The following TMEM132C variants were observed in gnomAD, a reference collection of about 807,000 sequenced individuals.
The protein encoded by TMEM132C is transmembrane protein 132C.
In TMEM132C, 29 loss-of-function variants were observed where a neutral mutation model predicts 61.4. The ratio of observed to expected loss-of-function variants is 0.47; its 90% CI spans 0.35 to 0.64. The LOEUF (loss-of-function observed/expected upper bound fraction) is 0.64. TMEM132C is among the 30% of genes least tolerant of loss of function. The pLI, the probability that TMEM132C is intolerant of heterozygous loss-of-function variation, is 0.00. For synonymous variants in TMEM132C, 656 were observed against 633.1 expected (o/e 1.04, Z -0.54); for missense variants, 1,408 against 1,476.9 (o/e 0.95, Z 0.76).
chr12:128,530,124 T>C (rs1047544428), intron 2 of TMEM132C, among the ~76,000 whole-genome samples: 1 of 150,416 alleles, frequency 6.6e-6, no homozygotes, highest in Admixed American at 6.6e-5. Flanking sequence ...GTGGGAAGAG[T>C]GGTGAGATGT....
At chr12:128,579,746 G>C (rs902560283) in intron 3 of TMEM132C, among the ~76,000 whole-genome samples, 16 of 152,162 alleles carry the variant, frequency 1.1e-4, no homozygotes, top group Non-Finnish European at 4.4e-5. Flanking sequence ...GGGAAGCAGA[G>C]GAGAAGAATG....
At chr12:128,427,976 A>C (rs924520864) in intron 2 of TMEM132C, among the ~76,000 whole-genome samples, 3 of 152,226 alleles carry the variant, frequency 2.0e-5, no homozygotes, top group African/African-American at 7.2e-5. Context: ...GTGCTTACCC[A>C]GTGCTGCCAG....
intron 1 of TMEM132C, among the ~76,000 whole-genome samples, chr12:128,327,042 C>T (rs939728811): frequency 2.7e-5 from 4 of 149,864 alleles, no homozygotes; most frequent in Non-Finnish European, 4.4e-5. Flanking sequence ...GTGCAGATTA[C>T]ATCATAAGGC....
intron 1 of TMEM132C, among the ~76,000 whole-genome samples, chr12:128,348,320 T>G (rs1211348080): frequency 1.3e-5 from 2 of 152,244 alleles, no homozygotes; most frequent in Non-Finnish European, 2.9e-5. Context: ...TAAGCTGTAA[T>G]TTTTCTTTAT....
At chr12:128,466,688 G>GT (rs1351355563) in intron 2 of TMEM132C, among the ~76,000 whole-genome samples, 4 of 152,202 alleles carry the variant, frequency 2.6e-5, no homozygotes, top group South Asian at 2.1e-4. Context: ...GCTAATTTTT[G>GT]TTTTTTGTTT....
intron 2 of TMEM132C, among the ~76,000 whole-genome samples, chr12:128,505,614 C>A (rs1872330146): frequency 6.6e-6 from 1 of 152,186 alleles, no homozygotes; most frequent in Non-Finnish European, 1.5e-5. Context: ...ACATGCCAAA[C>A]CTGATGTCTG....
At chr12:128,304,637 GA>G (rs113972082) in intron 1 of TMEM132C, among the ~76,000 whole-genome samples, 1,991 of 147,716 alleles carry the variant, frequency 0.013, 34 homozygotes, top group African/African-American at 0.04. Flanking sequence ...AAGAAAGAAA[GA>G]AAAAAAAGAA....
At chr12:128,636,783 G>A (rs187808941) in intron 4 of TMEM132C, among the ~76,000 whole-genome samples, 62 of 152,078 alleles carry the variant, frequency 4.1e-4, no homozygotes, top group Admixed American at 3.9e-3. Flanking sequence ...TCCCCCAGTC[G>A]CTGGCACCCA....
At chr12:128,353,017 C>T (rs898237788) in intron 1 of TMEM132C, among the ~76,000 whole-genome samples, 1 of 152,164 alleles carries the variant, frequency 6.6e-6, no homozygotes, top group Admixed American at 6.5e-5. Flanking sequence ...AGCCAGGCAT[C>T]CTATTTCTGT....
At chr12:128,355,328 G>A (rs1873469630) in intron 1 of TMEM132C, among the ~76,000 whole-genome samples, 1 of 152,108 alleles carries the variant, frequency 6.6e-6, no homozygotes, top group Non-Finnish European at 1.5e-5. Flanking sequence ...TGCCTGAGGA[G>A]GGTCCCTCTG....
At chr12:128,645,964 C>T (rs185336514) in intron 4 of TMEM132C, among the ~76,000 whole-genome samples, 3 of 151,628 alleles carry the variant, frequency 2.0e-5, no homozygotes, top group Non-Finnish European at 4.4e-5. Flanking sequence ...TGGAGTCCAT[C>T]GGCTTTGGAT....
chr12:128,648,039 G>A (rs548013009), intron 4 of TMEM132C, among the ~76,000 whole-genome samples: 1 of 151,402 alleles, frequency 6.6e-6, no homozygotes, highest in South Asian at 2.1e-4. Flanking sequence ...TTGGATGTGA[G>A]TGTGTTTACT....
At chr12:128,697,192 T>A in intron 7 of TMEM132C, 32 bp from the exon 8 acceptor site, 2 of 1,474,516 alleles carry the variant, frequency 1.4e-6, no homozygotes, top group Non-Finnish European at 1.8e-6. Context: ...ACAGGTGTGA[T>A]GGATTTTCCT....
intron 1 of TMEM132C, among the ~76,000 whole-genome samples, chr12:128,286,082 T>TCTCTCC (rs1723061206): frequency 6.7e-6 from 1 of 148,822 alleles, no homozygotes; most frequent in Non-Finnish European, 1.5e-5. Context: ...TCTCTCTCTC[T>TCTCTCC]CCCCATCTCT....
intron 3 of TMEM132C, among the ~76,000 whole-genome samples, chr12:128,565,550 A>G (rs1387434563): frequency 2.0e-5 from 3 of 152,242 alleles, no homozygotes; most frequent in South Asian, 2.1e-4. Flanking sequence ...TCATGTCTTT[A>G]TGGAACTTTA....
At chr12:128,695,175 C>T (rs1254596949) in intron 6 of TMEM132C, among the ~76,000 whole-genome samples, 2 of 152,170 alleles carry the variant, frequency 1.3e-5, no homozygotes, top group Admixed American at 1.3e-4. Flanking sequence ...AGTGCCTGGA[C>T]TGTAGCCAGT....
Position 128,695,882 on chromosome 12 carries a change from T to C in TMEM132C, c.1708T>C (p.Cys570Arg). ...CGAGGAGGAGCGGCGGGGCCGGGGCTGCGCACTGCAATACCAGCACGCCAC... is the reference window on the plus strand; with the variant it reads ...CGAGGAGGAGCGGCGGGGCCGGGGCCGCGCACTGCAATACCAGCACGCCAC... ...EDEEERRGRG[C>R]ALQYQHATVR... The change falls in exon 7 of 9, where the codon TGC (cysteine) becomes CGC (arginine). Residue 570 changes from cysteine to arginine, a missense_variant. Coordinates refer to ENST00000435159, the MANE Select transcript of TMEM132C (RefSeq NM_001136103.3). 1 of 1,550,398 alleles carries C rather than the reference T, an allele frequency of 6.4e-7. No individual in the cohort carries two copies. The highest frequency in any genetic ancestry group is 8.7e-7 in the Non-Finnish European group (1 of 1,146,708).
chr12:128,688,225 C>T (rs1221991973), intron 5 of TMEM132C, among the ~76,000 whole-genome samples: 2 of 152,186 alleles, frequency 1.3e-5, no homozygotes, highest in Non-Finnish European at 2.9e-5. Context: ...GCAGGAAGGA[C>T]GACTTCAGCC....
intron 1 of TMEM132C, among the ~76,000 whole-genome samples, chr12:128,301,478 G>A (rs921854585): frequency 1.3e-5 from 2 of 152,186 alleles, no homozygotes; most frequent in African/African-American, 4.8e-5. Context: ...CTGCCTAATA[G>A]TTTCCCATCT....
Sources: allele counts gnomAD v4.1 joint callset (sites outside exome capture counted in the v4.1 genomes callset), GRCh38; gene constraint gnomAD v4.1.1; transcripts MANE v1.5; gene names NCBI Gene and HGNC (gene_info 2026-07-23, HGNC 2026-07-21).